NOP58: variants seen among roughly 807,000 people sequenced by gnomAD.
NOP58 encodes nucleolar protein 58.
A neutral mutation model predicts 71.2 loss-of-function variants in NOP58; 44 were observed. The observed-to-expected ratio is 0.62, with a 90% CI of 0.49 to 0.79. The LOEUF (loss-of-function observed/expected upper bound fraction) is 0.79, where lower values mean the gene tolerates loss of function less well. NOP58 is among the 30% of genes least tolerant of loss of function. The pLI is 0.00. For missense variants in NOP58, 538 were observed against 620.2 expected, an observed-to-expected ratio of 0.87 and a Z score of 1.41; for synonymous variants, 228 against 200.3, an observed-to-expected ratio of 1.14 and a Z score of -1.17.
chr2:202,282,555 T>C, intron 4 of NOP58, 83 bp downstream of exon 4: 1 of 1,356,864 alleles, frequency 7.4e-7, no homozygotes, highest in Non-Finnish European at 1.0e-6. Context: ...TGCAATAAGT[T>C]GCTTATCATA....
chr2:202,290,370 T>C lies in NOP58; in HGVS notation c.547T>C (p.Cys183Arg). ...AGAACTAAACAACTACATTATGCGATGTAGAGAATGGTATGGCTGGCATTT... is the reference window on the plus strand; with the variant it reads ...AGAACTAAACAACTACATTATGCGACGTAGAGAATGGTATGGCTGGCATTT... Reference protein sequence around the residue: ...DKELNNYIMRCREWYGWHFPE... With the variant: ...DKELNNYIMRRREWYGWHFPE... Residue 183 changes from cysteine to arginine, a missense_variant, in exon 7 of 15, where the codon TGT becomes CGT. Physicochemically the swap from Cys to Arg is radical, Grantham distance 180. Coordinates refer to ENST00000264279, the MANE Select transcript of NOP58 (RefSeq NM_015934.5). 3 of 1,608,922 alleles carry C rather than the reference T, an allele frequency of 1.9e-6. No homozygotes were observed. The highest frequency in any genetic ancestry group is 1.1e-5 in the South Asian group (1 of 90,918).
chr2:202,286,902 A>T (rs1312679901), intron 5 of NOP58, among the ~76,000 whole-genome samples: 2 of 152,230 alleles, frequency 1.3e-5, no homozygotes, highest in African/African-American at 4.8e-5. Flanking sequence ...ACAAGGAATT[A>T]GGCCCAAAAT....
chr2:202,289,018 G>T (rs1032086110), intron 6 of NOP58, among the ~76,000 whole-genome samples: 2 of 151,924 alleles, frequency 1.3e-5, no homozygotes. Context: ...CACTTAGGAG[G>T]CTGAGGAAGG....
At chr2:202,277,649 T>C (rs562263046) in intron 2 of NOP58, among the ~76,000 whole-genome samples, 1 of 152,284 alleles carries the variant, frequency 6.6e-6, no homozygotes, top group South Asian at 2.1e-4. Flanking sequence ...AATAAAGTCA[T>C]CTCTGTACAG....
intron 9 of NOP58, chr2:202,293,198 A>T: frequency 1.8e-6 from 1 of 559,516 alleles, no homozygotes. Context: ...GCAGGAGGAT[A>T]AAACAGTTAA....
chr2:202,287,064 C>CTTTTT (rs11326861), intron 5 of NOP58, among the ~76,000 whole-genome samples: 8 of 110,724 alleles, frequency 7.2e-5, no homozygotes, highest in Admixed American at 1.0e-4. Context: ...ACCAATATGG[C>CTTTTT]TTTTTTTTTT....
rs112196804 is a variant in NOP58, at chr2:202,293,335, C to T, written c.907+432C>T. On this transcript the variant is annotated intron_variant, in intron 9 of 14. Coordinates refer to ENST00000264279, the MANE Select transcript of NOP58 (RefSeq NM_015934.5). ...CCCTTGATTGATTACCTTAGTTTCA[C>T]TATTGAGTGTGAGGATGTAATATAT... is the stretch of plus-strand genomic sequence containing the variant. Among the ~76,000 whole-genome samples, 282 of 151,730 alleles carry T rather than the reference C, an allele frequency of 1.9e-3. 1 individual carries two copies. The highest frequency in any genetic ancestry group is 6.4e-3 in the African/African-American group (264 of 41,352).
chr2:202,280,045 G>C (rs183890302), intron 3 of NOP58, among the ~76,000 whole-genome samples: 1 of 152,280 alleles, frequency 6.6e-6, no homozygotes, highest in East Asian at 1.9e-4. Context: ...TTTCCTATCT[G>C]TTTTCACCAG....
At chr2:202,295,963 T>G in intron 10 of NOP58, 126 bp downstream of exon 10, 3 of 681,096 alleles carry the variant, frequency 4.4e-6, no homozygotes. Flanking sequence ...TAGGGAATGG[T>G]GAGTTATTTA....
intron 5 of NOP58, among the ~76,000 whole-genome samples, chr2:202,286,530 C>T (rs1688789592): frequency 6.6e-6 from 1 of 152,010 alleles, no homozygotes; most frequent in African/African-American, 2.4e-5. Context: ...AGAAACACTA[C>T]AATTTAAAAA....
At chr2:202,277,565 G>C (rs576603966) in intron 2 of NOP58, among the ~76,000 whole-genome samples, 127 of 152,090 alleles carry the variant, frequency 8.4e-4, no homozygotes, top group African/African-American at 3.0e-3. Flanking sequence ...ATTTGTACAG[G>C]ATAGACAAAT....
rs762607188 is a variant in NOP58 at position 202,295,804 on chromosome 2, C to T, written c.1038C>T (p.Leu346=). Residue 346 remains leucine, a synonymous_variant, in exon 10 of 15, where the codon CTC becomes CTT. Coordinates refer to ENST00000264279, the MANE Select transcript of NOP58 (RefSeq NM_015934.5). ...PKYGLIYHAS[L]VGQTSPKHKG... The stretch of plus-strand genomic sequence containing the variant: ...ATGGTCTCATTTATCATGCTTCACT[C>T]GTGGGCCAGACAAGTCCCAAACACA... 2.5e-6 allele frequency: 4 copies of T among 1,600,262 alleles called. No individual in the cohort carries two copies. Among genetic ancestry groups the T allele is most frequent in the Admixed American group, 1.8e-5 (1 of 57,020 alleles).
Position 202,295,758 on chromosome 2 carries a change from C to A in NOP58, c.992C>A (p.Ser331Tyr). The A allele has an allele frequency of 1.2e-6, 2 of 1,612,168 alleles. No homozygotes were observed. The highest frequency in any genetic ancestry group is 1.7e-6 in the Non-Finnish European group (2 of 1,179,198). ...AAGGCACTTTTCAGAGCCCTCAAAT[C>A]TAGACGGGATACCCCTAAGTATGGT... The part of the protein sequence containing the change: ...AEKALFRALK[S>Y]RRDTPKYGLI... The change falls in exon 10 of 15, where the codon TCT becomes TAT. Residue 331 changes from serine (S) to tyrosine (Y), a missense_variant. By Grantham distance (144) the Ser-to-Tyr change is moderately radical. Transcript: ENST00000264279.
In NOP58 at chr2:202,291,291, A is replaced by G. The variant is rs187963095; in HGVS notation, c.780+21A>G. On this transcript the variant is annotated intron_variant, in intron 8 of 14. Coordinates refer to ENST00000264279, the MANE Select transcript of NOP58 (RefSeq NM_015934.5). ...CCCAGGTAAATTTTACTCCTGGAGA[A>G]TCTAGTTGTGGTGTTACCAGCTCTA... 3.9e-5 allele frequency: 61 copies of G among 1,582,782 alleles called. No homozygotes were observed. The African/African-American group carries it at 6.2e-4, about 16-fold the overall frequency.
At chr2:202,271,484 T>C (rs906769498) in intron 1 of NOP58, among the ~76,000 whole-genome samples, 2 of 151,954 alleles carry the variant, frequency 1.3e-5, no homozygotes, top group African/African-American at 4.8e-5. Context: ...GGAGAGTTGC[T>C]TTAACCAGGG....
intron 1 of NOP58, among the ~76,000 whole-genome samples, chr2:202,272,577 A>G (rs528097074): frequency 4.6e-5 from 7 of 152,364 alleles, no homozygotes; most frequent in African/African-American, 1.7e-4. Context: ...TTAACAATTT[A>G]TAAACTAATA....
rs371049611 is a variant in NOP58, at chr2:202,285,319, G to A, written c.434+838G>A. On this transcript the variant is annotated intron_variant, in intron 5 of 14. Coordinates refer to ENST00000264279, the MANE Select transcript of NOP58 (RefSeq NM_015934.5). ...GGCCTTCCAAAGTGCTGGGATTATAGGCATGAGCCACCACACCCGGCATTT... is the reference window on the plus strand; with the variant it reads ...GGCCTTCCAAAGTGCTGGGATTATAAGCATGAGCCACCACACCCGGCATTT... Among the ~76,000 whole-genome samples the A allele has an allele frequency of 1.1e-3, 171 of 150,390 alleles. 1 individual carries two copies. Among genetic ancestry groups the A allele is most frequent in the African/African-American group, 3.2e-3 (130 of 40,698 alleles).
rs1205196089 is a variant in NOP58 at position 202,265,819 on chromosome 2, G to A, written c.-123G>A. 4 of 993,174 alleles carry A rather than the reference G, an allele frequency of 4.0e-6. No homozygotes were observed. The highest frequency in any genetic ancestry group is 3.2e-5 in the African/African-American group (2 of 62,544). 61.5% of individuals were successfully genotyped at this position (993,174 alleles called of 1,614,324 possible). A position where few individuals can be genotyped will look rare whatever the true frequency, so the allele number is the denominator to read the frequency against. On this transcript the variant is annotated 5_prime_UTR_variant, in exon 1 of 15. Transcript: ENST00000264279. ...AGCGTGTTCTGATTCTTTGCGGGACGGCGAGCGCATTTGTGCTTTGCCCGC... is the reference window on the plus strand; with the variant it reads ...AGCGTGTTCTGATTCTTTGCGGGACAGCGAGCGCATTTGTGCTTTGCCCGC...
intron 1 of NOP58, among the ~76,000 whole-genome samples, chr2:202,268,151 T>C (rs1381309594): frequency 6.6e-6 from 1 of 152,168 alleles, no homozygotes; most frequent in East Asian, 1.9e-4. Context: ...TAATATGATA[T>C]ATGGTGAATT....
Sources: allele counts gnomAD v4.1 joint callset (sites outside exome capture counted in the v4.1 genomes callset), GRCh38; gene constraint gnomAD v4.1.1; transcripts MANE v1.5; gene names NCBI Gene and HGNC (gene_info 2026-07-23, HGNC 2026-07-21).